LMNA: variants seen among roughly 807,000 people sequenced by gnomAD.
LMNA encodes lamin A/C.
A neutral mutation model predicts 70.4 loss-of-function variants in LMNA; 20 were observed. The ratio of observed to expected loss-of-function variants is 0.28; its 90% CI spans 0.20 to 0.41. LMNA has a LOEUF of 0.41. LMNA is among the 10% of genes least tolerant of loss of function. The probability of loss-of-function intolerance (pLI) is 1.00; values close to 1 mark genes in which losing one functional copy is unlikely to be tolerated. For missense variants in LMNA, 652 were observed against 917.2 expected, an observed-to-expected ratio of 0.71 and a Z score of 3.73; for synonymous variants, 339 against 372.8, an observed-to-expected ratio of 0.91 and a Z score of 1.04.
intron 3 of LMNA, among the ~76,000 whole-genome samples, chr1:156,107,309 G>A (rs1649386782): frequency 6.6e-6 from 1 of 152,200 alleles, no homozygotes; most frequent in South Asian, 2.1e-4. Context: ...ACCCATGCCA[G>A]TCCCTAAGTG....
chr1:156,101,633 A>AG lies in LMNA; in HGVS notation c.-207+11053dup, dbSNP rs1192850140. The stretch of plus-strand genomic sequence containing the variant: ...TACCCAGGAAGGAAGGACGGAAGGA[A>AG]GGAAGGGAGGGAGGGAGGGAGGGAG... On this transcript the variant is annotated intron_variant, in intron 3 of 12. Coordinates refer to the LMNA transcript ENST00000368301. 9.6e-3 allele frequency among the ~76,000 whole-genome samples: 862 copies of AG among 89,894 alleles called. 8 individuals carry two copies. The highest frequency in any genetic ancestry group is 0.014 in the Admixed American group (92 of 6,524). 59.0% of individuals were successfully genotyped at this position (89,894 alleles called of 152,430 possible).
intron 3 of LMNA, among the ~76,000 whole-genome samples, chr1:156,095,812 T>G (rs1370017128): frequency 6.6e-6 from 1 of 152,216 alleles, no homozygotes; most frequent in Admixed American, 6.5e-5. Flanking sequence ...AGAGTTACAC[T>G]CAGGCTGCCT....
chr1:156,127,128 G>A lies in LMNA; in HGVS notation c.357-3489G>A, dbSNP rs623189. Among the ~76,000 whole-genome samples, 12,486 of 152,248 alleles carry A rather than the reference G, an allele frequency of 0.082. 819 individuals carry two copies. The highest frequency in any genetic ancestry group is 0.17 in the African/African-American group (7,210 of 41,520). On this transcript the variant is annotated intron_variant, in intron 1 of 11. Coordinates refer to ENST00000368300, the MANE Select transcript of LMNA (RefSeq NM_170707.4). ...TGGGCTGCACCACCACCCTGGGACCGAATGCCTGGCTAGGGTCTACTTTGG... is the reference window on the plus strand; with the variant it reads ...TGGGCTGCACCACCACCCTGGGACCAAATGCCTGGCTAGGGTCTACTTTGG...
intron 1 of LMNA, among the ~76,000 whole-genome samples, chr1:156,128,052 C>T (rs372849642): frequency 1.3e-5 from 2 of 152,054 alleles, no homozygotes; most frequent in African/African-American, 4.8e-5. Flanking sequence ...CATGGATTTC[C>T]AGCTCCCCTA....
chr1:156,096,972 C>T (rs939636498), intron 3 of LMNA, among the ~76,000 whole-genome samples: 1 of 152,142 alleles, frequency 6.6e-6, no homozygotes, highest in Non-Finnish European at 1.5e-5. Flanking sequence ...AGATGTTTTC[C>T]TAGGGGATGT....
upstream of LMNA, among the ~76,000 whole-genome samples, chr1:156,111,311 T>C (rs1314800007): frequency 6.6e-6 from 1 of 151,878 alleles, no homozygotes; most frequent in African/African-American, 2.4e-5. Flanking sequence ...TAGCCGGGCG[T>C]GGTGGCACAC....
At chr1:156,116,634 G>C (rs1445845405) in intron 1 of LMNA, among the ~76,000 whole-genome samples, 2 of 152,032 alleles carry the variant, frequency 1.3e-5, no homozygotes, top group African/African-American at 4.8e-5. Context: ...GCACAATCTC[G>C]GCTCACTGCA....
chr1:156,118,347 C>T (rs994294751), intron 1 of LMNA, among the ~76,000 whole-genome samples: 4 of 152,186 alleles, frequency 2.6e-5, no homozygotes, highest in East Asian at 3.8e-4. Flanking sequence ...CACCCAGCCA[C>T]GCCAGTTTGT....
Position 156,139,860 on chromosome 1 carries a change from CTG to C in LMNA, c.*757_*758del. 5 of 1,496,312 alleles carry C rather than the reference CTG, an allele frequency of 3.3e-6. No individual in the cohort carries two copies. The highest frequency in any genetic ancestry group is 4.4e-6 in the Non-Finnish European group (5 of 1,127,916). The allele number at this position is 1,496,312 out of a possible 1,614,324, so 92.7% of individuals were successfully genotyped here. A position where few individuals can be genotyped will look rare whatever the true frequency, so the allele number is the denominator to read the frequency against. ...CCTAGCTTTAGACCCTGGGTGGGCT[CTG>C]TGCAGTCACTGGAGGTTGAAGCCAA... On this transcript the variant is annotated 3_prime_UTR_variant, in exon 12 of 12. Coordinates refer to ENST00000368300, the MANE Select transcript of LMNA (RefSeq NM_170707.4).
chr1:156,121,193 G>T (rs1219738325), intron 1 of LMNA, among the ~76,000 whole-genome samples: 1 of 151,582 alleles, frequency 6.6e-6, no homozygotes, highest in Non-Finnish European at 1.5e-5. Context: ...GGGACTATAG[G>T]CACGTGCCAC....
intron 3 of LMNA, among the ~76,000 whole-genome samples, chr1:156,098,262 G>C (rs550076304): frequency 1.3e-5 from 2 of 152,316 alleles, no homozygotes; most frequent in South Asian, 2.1e-4. Flanking sequence ...TGTGAAAGCT[G>C]AGGCTCATAG....
At chr1:156,106,825 T>G (rs2102805635) in intron 3 of LMNA, 1 of 152,302 alleles carries the variant, frequency 6.6e-6, no homozygotes, top group East Asian at 1.9e-4. Flanking sequence ...AATAGTCTGG[T>G]GTGTATTGTG....
intron 2 of LMNA, among the ~76,000 whole-genome samples, chr1:156,089,327 G>A (rs1342165993): frequency 6.6e-6 from 1 of 151,590 alleles, no homozygotes; most frequent in Admixed American, 6.6e-5. Flanking sequence ...ATGAAGTCTT[G>A]CTCTGTTGCT....
In LMNA at chr1:156,138,484, C is replaced by G; in HGVS notation, c.1699-4C>G. ...TCCCGCCTGAGCCTTGTCTCCCTTC[C>G]CAGGGCTCCCACTGCAGCAGCTCGG... On this transcript the variant is annotated splice_region_variant and splice_polypyrimidine_tract_variant and intron_variant, in intron 10 of 11. Transcript: ENST00000368300. This position sits in a 1 kb window ranked among gnomAD's most constrained non-coding sequence, Gnocchi z 5.5. 1.9e-6 allele frequency: 3 copies of G among 1,611,744 alleles called. No homozygotes were observed. The highest frequency in any genetic ancestry group is 3.3e-5 in the Admixed American group (2 of 59,940).
chr1:156,088,965 T>C (rs1467895362), intron 2 of LMNA, among the ~76,000 whole-genome samples: 1 of 152,194 alleles, frequency 6.6e-6, no homozygotes, highest in Non-Finnish European at 1.5e-5. Flanking sequence ...TTTATTTTAT[T>C]GATTAATTTA....
intron 3 of LMNA, among the ~76,000 whole-genome samples, chr1:156,105,989 G>A (rs764126624): frequency 7.2e-5 from 11 of 152,088 alleles, no homozygotes; most frequent in Non-Finnish European, 1.3e-4. Flanking sequence ...CAAAAAAATA[G>A]CGGGGCGTGG....
chr1:156,115,396 C>T lies in LMNA; in HGVS notation c.356+122C>T. 2.3e-6 allele frequency: 2 copies of T among 874,546 alleles called. No homozygotes were observed. The highest frequency in any genetic ancestry group is 1.8e-6 in the Non-Finnish European group (1 of 546,400). 54.2% of individuals were successfully genotyped at this position (874,546 alleles called of 1,614,324 possible). On this transcript the variant is annotated intron_variant, in intron 1 of 11. Coordinates refer to ENST00000368300, the MANE Select transcript of LMNA (RefSeq NM_170707.4). This position sits in a 1 kb window ranked among gnomAD's most constrained non-coding sequence, Gnocchi z 5.8. ...GAGGCCGATAACTTTGCCATAGTCT[C>T]CTCCCTCCCCGGAACTGCCCCCAGC...
At position 156,097,986 on chromosome 1, in the gene LMNA, C is replaced by T. The variant is rs374064057; in HGVS notation, c.-207+7404C>T. ...GTGTGTGTGATCATCATGTCTACAC[C>T]ACCCACCACCATCACCCCTATCCTC... On this transcript the variant is annotated intron_variant, in intron 3 of 12. Coordinates refer to the LMNA transcript ENST00000368301. Among the ~76,000 whole-genome samples the T allele has an allele frequency of 2.6e-4, 40 of 152,278 alleles. 1 individual carries two copies. The South Asian group carries it at 8.3e-3, about 32-fold the overall frequency.
rs759408439 is a variant in LMNA, at chr1:156,137,155, G to A, written c.1531G>A (p.Asp511Asn). 5.0e-6 allele frequency: 8 copies of A among 1,612,784 alleles called. No individual in the cohort carries two copies. Among genetic ancestry groups the A allele is most frequent in the Non-Finnish European group, 5.9e-6 (7 of 1,179,540 alleles). Residue 511 changes from aspartate to asparagine, a missense_variant, in exon 9 of 12, where the codon GAC becomes AAC. Asp to Asn is a conservative substitution (Grantham distance 23). Around this residue, in one of 4 missense-constraint regions of LMNA, gnomAD observed 327 missense variants for 387.6 expected, o/e 0.84. Transcript: ENST00000368300. The surrounding 1 kb of genome is among the most constrained non-coding windows in gnomAD (Gnocchi z 4.6). ...TGGGGCCACCCACAGCCCCCCTACCGACCTGGTGTGGAAGGCACAGAACAC... is the reference window on the plus strand; with the variant it reads ...TGGGGCCACCCACAGCCCCCCTACCAACCTGGTGTGGAAGGCACAGAACAC... ...GAGATHSPPT[D>N]LVWKAQNTWG... is the part of the protein sequence containing the mutation.
Sources: gnomAD v4.1 joint callset for allele counts (sites outside exome capture counted in the v4.1 genomes callset) on GRCh38, gnomAD v4.1.1 for gene constraint, gnomAD v4.1.1 regional missense constraint, Gnocchi (gnomAD v3.1) non-coding constraint, MANE v1.5 for transcripts, NCBI Gene and HGNC (gene_info 2026-07-23, HGNC 2026-07-21) for gene names.